The following ZNF547 variants were observed in gnomAD, a reference collection of about 807,000 sequenced individuals.
ZNF547 encodes zinc finger protein 547.
Under a neutral mutation model 7.7 loss-of-function variants are expected in ZNF547, and 4 were observed. That is an observed-to-expected ratio of 0.52 (90% CI 0.26 to 1.20). ZNF547 has a LOEUF of 1.20. ZNF547 is among the 50% of genes most tolerant of loss of function. The pLI, the probability that ZNF547 is intolerant of heterozygous loss-of-function variation, is 0.14. For synonymous variants in ZNF547, 166 were observed against 166.2 expected, an observed-to-expected ratio of 1.00 and a Z score of 0.01; for missense variants, 449 against 485.8, an observed-to-expected ratio of 0.92 and a Z score of 0.71.
At chr19:57,369,537 A>G (rs1277426679) in intron 2 of ZNF547, among the ~76,000 whole-genome samples, 1 of 152,130 alleles carries the variant, frequency 6.6e-6, no homozygotes, top group Non-Finnish European at 1.5e-5. Flanking sequence ...AGGTGACAGC[A>G]TCTCTAGGTT....
At chr19:57,375,626 C>T (rs945046038) in intron 3 of ZNF547, among the ~76,000 whole-genome samples, 2 of 137,714 alleles carry the variant, frequency 1.5e-5, no homozygotes, top group African/African-American at 5.5e-5. Flanking sequence ...CAAGCCACTG[C>T]ACTCCAGGCT....
intron 2 of ZNF547, among the ~76,000 whole-genome samples, chr19:57,370,715 G>A (rs2088499356): frequency 6.6e-6 from 1 of 152,176 alleles, no homozygotes; most frequent in Non-Finnish European, 1.5e-5. Context: ...GGCAGGAGAG[G>A]ATGGATCCCC....
At chr19:57,365,297 G>A in intron 1 of ZNF547, 1 of 1,311,216 alleles carries the variant, frequency 7.6e-7, no homozygotes, top group Non-Finnish European at 1.1e-6. Flanking sequence ...CCACAATGGT[G>A]TATACTCAGG....
intron 1 of ZNF547, chr19:57,364,105 C>T (rs1330498981): frequency 6.5e-6 from 1 of 152,818 alleles, no homozygotes; most frequent in African/African-American, 2.4e-5. Flanking sequence ...GAAGAGGCCA[C>T]TGCAGTGGAT....
intron 1 of ZNF547, chr19:57,364,101 G>A (rs1600073178): frequency 6.5e-6 from 1 of 152,722 alleles, no homozygotes; most frequent in African/African-American, 2.4e-5. Flanking sequence ...CCCAGAAGAG[G>A]CCACTGCAGT....
Position 57,377,122 on chromosome 19 carries a change from T to A in ZNF547, c.152-6T>A, listed in dbSNP as rs1445522227. On this transcript the variant is annotated splice_polypyrimidine_tract_variant and splice_region_variant and intron_variant, in intron 3 of 3. Transcript: ENST00000282282. ...ATGCACCTCACCAGCATTTTTATTC[T>A]TACAGGTTGTTGCCATGGAGCTGAG... 6.2e-7 allele frequency: 1 copy of A among 1,608,870 alleles called. No individual in the cohort carries two copies. Among genetic ancestry groups the A allele is most frequent in the Admixed American group, 1.7e-5 (1 of 59,760 alleles).
intron 1 of ZNF547, among the ~76,000 whole-genome samples, chr19:57,366,551 T>G (rs1236937566): frequency 4.7e-4 from 25 of 53,616 alleles, no homozygotes; most frequent in Admixed American, 2.0e-3. Context: ...TAAATTGTTT[T>G]TTTTTTTTTT....
intron 2 of ZNF547, among the ~76,000 whole-genome samples, chr19:57,369,842 A>G (rs945239357): frequency 2.5e-4 from 38 of 149,382 alleles, no homozygotes; most frequent in African/African-American, 8.6e-4. Flanking sequence ...ATTGCTACAA[A>G]GAACTACCTG....
intron 3 of ZNF547, among the ~76,000 whole-genome samples, chr19:57,376,256 C>T (rs1479322354): frequency 6.6e-6 from 1 of 152,102 alleles, no homozygotes; most frequent in Non-Finnish European, 1.5e-5. Context: ...TTACCTTCAC[C>T]TGGTCCCACC....
chr19:57,377,987 C>T lies in ZNF547; in HGVS notation c.1011C>T (p.Ser337=), dbSNP rs775113464. The stretch of plus-strand genomic sequence containing the variant: ...GTGGGAAATTCTTCAGCTTGAAATC[C>T]GTCCTCATTCAACACCAAAGAGTTC... ...NECGKFFSLK[S]VLIQHQRVHT... is the part of the protein sequence containing the mutation. Residue 337 remains serine, a synonymous_variant, in exon 4 of 4, where the codon TCC becomes TCT. Coordinates refer to ENST00000282282, the MANE Select transcript of ZNF547 (RefSeq NM_173631.4). 1.5e-5 allele frequency: 25 copies of T among 1,613,800 alleles called. No homozygotes were observed. Among genetic ancestry groups the T allele is most frequent in the South Asian group, 7.7e-5 (7 of 91,064 alleles).
rs2088506057 is a variant in ZNF547, at chr19:57,371,787, T to C, written c.30T>C (p.His10=). The C allele has an allele frequency of 6.2e-7, 1 of 1,610,338 alleles. No individual in the cohort carries two copies. Among genetic ancestry groups the C allele is most frequent in the Non-Finnish European group, 8.5e-7 (1 of 1,178,862 alleles). Residue 10 remains histidine (H), a synonymous_variant, in exon 3 of 4, where the codon CAT becomes CAC. Transcript: ENST00000282282. MAEMNPAQG[H]VVFEDVAIYF... Reference sequence around the variant, plus strand: ...CATCTTTCCCAATTTGGCAGGGTCATGTGGTTTTTGAAGACGTGGCCATAT... The same window carrying C: ...CATCTTTCCCAATTTGGCAGGGTCACGTGGTTTTTGAAGACGTGGCCATAT...
chr19:57,371,645 G>C, intron 2 of ZNF547, 137 bp from the exon 3 acceptor site: 1 of 1,316,368 alleles, frequency 7.6e-7, no homozygotes. Context: ...AGGATGGTAG[G>C]GGAGATGGAA....
intron 2 of ZNF547, among the ~76,000 whole-genome samples, chr19:57,368,880 T>C (rs2088487413): frequency 6.6e-6 from 1 of 152,208 alleles, no homozygotes; most frequent in Non-Finnish European, 1.5e-5. Context: ...AGATTAAGAA[T>C]GTTTCAGTGT....
At chr19:57,370,584 A>G (rs1305114723) in intron 2 of ZNF547, among the ~76,000 whole-genome samples, 1 of 152,144 alleles carries the variant, frequency 6.6e-6, no homozygotes, top group Non-Finnish European at 1.5e-5. Flanking sequence ...AGTGATGTGC[A>G]GGCAGGAGGA....
intron 1 of ZNF547, chr19:57,367,962 C>G (rs1421926610): frequency 1.3e-5 from 2 of 152,470 alleles, no homozygotes; most frequent in Admixed American, 6.5e-5. Flanking sequence ...CAGCCCTTCC[C>G]TACAACTCAT....
rs746975792 is a variant in ZNF547 at position 57,371,782 on chromosome 19, G to C, written c.25G>C (p.Gly9Arg). Reference protein sequence around the residue: MAEMNPAQGHVVFEDVAIY... With the variant: MAEMNPAQRHVVFEDVAIY... ...GTATTCATCTTTCCCAATTTGGCAG[G>C]GTCATGTGGTTTTTGAAGACGTGGC... Residue 9 changes from glycine (G) to arginine (R), a missense_variant and splice_region_variant, in exon 3 of 4, where the codon GGT (glycine) becomes CGT (arginine). Coordinates refer to ENST00000282282, the MANE Select transcript of ZNF547 (RefSeq NM_173631.4). 6.2e-7 allele frequency: 1 copy of C among 1,607,162 alleles called. No homozygotes were observed. Among genetic ancestry groups the C allele is most frequent in the Admixed American group, 1.7e-5 (1 of 57,412 alleles).
Position 57,368,692 on chromosome 19 carries a change from CTTATGTCTGAAAAG to C in ZNF547, c.24+115_24+128del, listed in dbSNP as rs919584495. The stretch of plus-strand genomic sequence containing the variant: ...ACTCTCTTTCTGTCTTTCTCCCTCT[CTTATGTCTGAAAAG>C]TGAGTGATTCCACCAGTTCTAGTAT... On this transcript the variant is annotated intron_variant, in intron 2 of 3. Coordinates refer to ENST00000282282, the MANE Select transcript of ZNF547 (RefSeq NM_173631.4). 3.9e-6 allele frequency: 4 copies of C among 1,021,846 alleles called. No individual in the cohort carries two copies. The African/African-American group carries it at 6.4e-5, about 16-fold the overall frequency. The allele number at this position is 1,021,846 out of a possible 1,614,324, so 63.3% of individuals were successfully genotyped here. A position where few individuals can be genotyped will look rare whatever the true frequency, so the allele number is the denominator to read the frequency against.
At chr19:57,364,009 A>G (rs1294156632) in intron 1 of ZNF547, 1 of 152,300 alleles carries the variant, frequency 6.6e-6, no homozygotes, top group Non-Finnish European at 1.5e-5. Flanking sequence ...CGGTATAACC[A>G]TGGAAGGTTG....
chr19:57,375,542 A>G (rs2088530979), intron 3 of ZNF547, among the ~76,000 whole-genome samples: 1 of 151,592 alleles, frequency 6.6e-6, no homozygotes, highest in Non-Finnish European at 1.5e-5. Context: ...CATACCTGTT[A>G]TCCCAGCTAC....
Sources: allele counts gnomAD v4.1 joint callset (sites outside exome capture counted in the v4.1 genomes callset), GRCh38; gene constraint gnomAD v4.1.1; transcripts MANE v1.5; gene names NCBI Gene and HGNC (gene_info 2026-07-23, HGNC 2026-07-21).